The following CFDP1 variants were observed in gnomAD, a reference collection of about 807,000 sequenced individuals.
CFDP1 encodes the protein heterochromatin-stabilizing protein CFDP1.
Under a neutral mutation model 40.1 loss-of-function variants are expected in CFDP1, and 31 were observed. The observed-to-expected ratio is 0.77, with a 90% confidence interval of 0.58 to 1.04. The LOEUF is 1.04. Among genes scored for constraint, CFDP1 ranks in the 50% least tolerant of loss-of-function variants. The pLI is 0.00. For synonymous variants in CFDP1, 167 were observed against 120.0 expected (o/e 1.39, Z -2.56); for missense variants, 423 against 343.4 (o/e 1.23, Z -1.83).
chr16:75,380,830 T>A (rs1027504600), intron 5 of CFDP1, among the ~76,000 whole-genome samples: 2 of 152,154 alleles, frequency 1.3e-5, no homozygotes, highest in African/African-American at 4.8e-5. Flanking sequence ...CCAGGTCATA[T>A]AAGATCACAC....
chr16:75,377,911 C>T (rs1344977452), intron 5 of CFDP1, among the ~76,000 whole-genome samples: 1 of 152,224 alleles, frequency 6.6e-6, no homozygotes, highest in Non-Finnish European at 1.5e-5. Flanking sequence ...TTTCACGCAG[C>T]AACTTCGCTA....
rs562286719 is a variant in CFDP1 at position 75,361,485 on chromosome 16, C to T, written c.650+33605G>A. Among the ~76,000 whole-genome samples the T allele has an allele frequency of 6.7e-4, 102 of 152,078 alleles. 1 individual carries two copies. The highest frequency in any genetic ancestry group is 2.5e-3 in the African/African-American group (102 of 41,504). On this transcript the variant is annotated intron_variant, in intron 5 of 6. Coordinates refer to ENST00000283882, the MANE Select transcript of CFDP1 (RefSeq NM_006324.3). ...TACAATAATTAGCCAAGTGTGGTGC[C>T]GCACGCCTGTAATCCCAGCTACTCA...
chr16:75,323,948 A>C (rs937370075), intron 5 of CFDP1, among the ~76,000 whole-genome samples: 2 of 152,314 alleles, frequency 1.3e-5, no homozygotes, highest in African/African-American at 4.8e-5. Context: ...AATTTCTCTG[A>C]GTCTCAAGTA....
intron 5 of CFDP1, 67 bp downstream of exon 5, chr16:75,395,023 T>A: frequency 6.3e-7 from 1 of 1,586,336 alleles, no homozygotes; most frequent in Non-Finnish European, 8.6e-7. Flanking sequence ...GCAGCGAAAG[T>A]AGGTATTTGC....
intron 5 of CFDP1, among the ~76,000 whole-genome samples, chr16:75,349,993 T>G (rs1242810559): frequency 6.6e-6 from 1 of 152,022 alleles, no homozygotes; most frequent in African/African-American, 2.4e-5. Flanking sequence ...TTTTCATGAT[T>G]AAGTATGACA....
At chr16:75,359,795 T>C (rs1413267035) in intron 5 of CFDP1, among the ~76,000 whole-genome samples, 1 of 152,238 alleles carries the variant, frequency 6.6e-6, no homozygotes, top group Non-Finnish European at 1.5e-5. Flanking sequence ...TATGCTTCAC[T>C]GTCTTCTTGA....
chr16:75,324,492 G>A (rs1399287036), intron 5 of CFDP1, among the ~76,000 whole-genome samples: 1 of 152,030 alleles, frequency 6.6e-6, no homozygotes, highest in African/African-American at 2.4e-5. Context: ...CTGTAATCCC[G>A]GAACTTTAGG....
intron 5 of CFDP1, among the ~76,000 whole-genome samples, chr16:75,352,266 A>G (rs907511037): frequency 6.6e-6 from 1 of 151,806 alleles, no homozygotes; most frequent in African/African-American, 2.4e-5. Context: ...GCTTGAACCC[A>G]GGAGACGGAG....
intron 5 of CFDP1, among the ~76,000 whole-genome samples, chr16:75,385,733 G>A (rs754585244): frequency 1.2e-4 from 15 of 127,904 alleles, no homozygotes; most frequent in Non-Finnish European, 2.5e-4. Context: ...GCCCTCTAGT[G>A]TACAGTAAAA....
intron 5 of CFDP1, among the ~76,000 whole-genome samples, chr16:75,332,984 T>A (rs2151515972): frequency 6.6e-6 from 1 of 151,826 alleles, no homozygotes; most frequent in Non-Finnish European, 1.5e-5. Flanking sequence ...ATTTTTGTAT[T>A]TTCAGTAGAG....
intron 6 of CFDP1, among the ~76,000 whole-genome samples, chr16:75,300,981 T>C (rs2078217658): frequency 6.6e-6 from 1 of 152,078 alleles, no homozygotes; most frequent in African/African-American, 2.4e-5. Flanking sequence ...CCCACCGCTG[T>C]GGAAAATATT....
chr16:75,370,374 T>C (rs1267027299), intron 5 of CFDP1, among the ~76,000 whole-genome samples: 1 of 152,104 alleles, frequency 6.6e-6, no homozygotes, highest in Non-Finnish European at 1.5e-5. Context: ...ATTACCAACG[T>C]GAGCCACCAC....
At position 75,334,401 on chromosome 16, in the gene CFDP1, C is replaced by T. The variant is rs138580914; in HGVS notation, c.651-29219G>A. ...ACCTGTCGAGACAATCCGGCCAGCC[C>T]GAAGTGCTCTAGAGAACATCTGCAC... On this transcript the variant is annotated intron_variant, in intron 5 of 6. Coordinates refer to ENST00000283882, the MANE Select transcript of CFDP1 (RefSeq NM_006324.3). 3.0e-3 allele frequency among the ~76,000 whole-genome samples: 453 copies of T among 150,798 alleles called. 2 individuals are homozygous for T. Among genetic ancestry groups the T allele is most frequent in the Non-Finnish European group, 3.9e-3 (265 of 67,806 alleles).
At position 75,345,509 on chromosome 16, in the gene CFDP1, T is replaced by A. The variant is rs199686824; in HGVS notation, c.651-40327A>T. Among the ~76,000 whole-genome samples, 3 of 151,950 alleles carry A rather than the reference T, an allele frequency of 2.0e-5. No homozygotes were observed. The East Asian group carries it at 5.8e-4, about 29-fold the overall frequency. ...AAACATTATCTGGGCATGGTGGCTA[T>A]GCATCTGTAGTCCCAGCTACTTAAG... On this transcript the variant is annotated intron_variant, in intron 5 of 6. Coordinates refer to ENST00000283882, the MANE Select transcript of CFDP1 (RefSeq NM_006324.3).
intron 5 of CFDP1, among the ~76,000 whole-genome samples, chr16:75,349,696 T>TATATACAC (rs1209804675): frequency 4.2e-5 from 2 of 47,952 alleles, no homozygotes; most frequent in African/African-American, 2.4e-4. Context: ...AAAAAATATA[T>TATATACAC]ATACATACAT....
intron 1 of CFDP1, among the ~76,000 whole-genome samples, chr16:75,427,194 A>G (rs2079351829): frequency 6.6e-6 from 1 of 152,232 alleles, no homozygotes. Flanking sequence ...AAACAGGAAC[A>G]TGAAAAGAGC....
Position 75,372,114 on chromosome 16 carries a change from A to G in CFDP1, c.650+22976T>C, listed in dbSNP as rs1033485055. 226 of 152,300 alleles carry G rather than the reference A, an allele frequency of 1.5e-3. 1 individual carries two copies. The highest frequency in any genetic ancestry group is 5.1e-3 in the African/African-American group (214 of 41,564). 9.4% of individuals were successfully genotyped at this position (152,300 alleles called of 1,614,324 possible). On this transcript the variant is annotated intron_variant, in intron 5 of 6. Transcript: ENST00000283882. ...TCCTGTTCAAGTCAAAAGCATATATAATACTCTACCTATTTCTAAAAAAGG... is the reference window on the plus strand; with the variant it reads ...TCCTGTTCAAGTCAAAAGCATATATGATACTCTACCTATTTCTAAAAAAGG...
chr16:75,350,149 T>C (rs759853145), intron 5 of CFDP1, among the ~76,000 whole-genome samples: 6 of 152,202 alleles, frequency 3.9e-5, no homozygotes, highest in South Asian at 2.1e-4. Context: ...TGTTTATCAG[T>C]TGAAAGTCAT....
intron 5 of CFDP1, among the ~76,000 whole-genome samples, chr16:75,349,437 G>A (rs956966162): frequency 4.0e-5 from 6 of 150,738 alleles, no homozygotes; most frequent in Non-Finnish European, 8.9e-5. Context: ...TTGAACCCGG[G>A]AGTGGAGGTT....
Sources: allele counts gnomAD v4.1 joint callset (sites outside exome capture counted in the v4.1 genomes callset), GRCh38; gene constraint gnomAD v4.1.1; transcripts MANE v1.5; gene names NCBI Gene and HGNC (gene_info 2026-07-23, HGNC 2026-07-21).